COL5A2: variants seen among roughly 807,000 people sequenced by gnomAD.
The protein encoded by COL5A2 is collagen alpha-2(V) chain.
A neutral mutation model predicts 208.2 loss-of-function variants in COL5A2; 23 were observed. The observed-to-expected ratio is 0.11, with a 90% confidence interval of 0.08 to 0.16. The LOEUF (loss-of-function observed/expected upper bound fraction) is 0.16, where lower values mean the gene tolerates loss of function less well. Ranked by LOEUF, COL5A2 falls within the 10% of genes least tolerant of loss-of-function variation. The probability of loss-of-function intolerance (pLI) is 1.00; values close to 1 mark genes in which losing one functional copy is unlikely to be tolerated. For synonymous variants in COL5A2, 625 were observed against 628.5 expected, an observed-to-expected ratio of 0.99 and a Z score of 0.08; for missense variants, 1,590 against 1,956.4, an observed-to-expected ratio of 0.81 and a Z score of 3.53.
intron 1 of COL5A2, among the ~76,000 whole-genome samples, chr2:189,118,459 G>C (rs1181650434): frequency 6.6e-6 from 1 of 152,004 alleles, no homozygotes; most frequent in African/African-American, 2.4e-5. Flanking sequence ...GGCCTCTAGA[G>C]AAAATCCAGA....
At chr2:189,369,415 G>T in the COL5A2 span, among the ~76,000 whole-genome samples, 3 of 151,948 alleles carry the variant, frequency 2.0e-5, no homozygotes, top group African/African-American at 7.2e-5. Context: ...CTATGCCTCA[G>T]ATATCTATTT....
chr2:189,055,507 A>C (rs1036257165), intron 35 of COL5A2, among the ~76,000 whole-genome samples: 14 of 150,084 alleles, frequency 9.3e-5, no homozygotes, highest in African/African-American at 3.5e-4. Flanking sequence ...AATTTTATAG[A>C]TTTGACAAGA....
At position 189,063,249 on chromosome 2, in the gene COL5A2, G is replaced by A. The variant is rs1060501906; in HGVS notation, c.1792C>T (p.Arg598Cys). 9.9e-6 allele frequency: 16 copies of A among 1,613,954 alleles called. No individual in the cohort carries two copies. Among genetic ancestry groups the A allele is most frequent in the Non-Finnish European group, 1.3e-5 (15 of 1,179,988 alleles). Residue 598 changes from arginine (R) to cysteine (C), a missense_variant, in exon 27 of 54, where the codon CGT (arginine) becomes TGT (cysteine). Arg to Cys is a radical substitution (Grantham distance 180, BLOSUM62 -3). Transcript: ENST00000374866. ...CCTATGGAGCCTGGAGGACCTGGAC[G>A]GCCATCTTCCCCTGGCGCACCCTAT... ...GPLGAPGEDG[R>C]PGPPGSIGIR...
the COL5A2 span, among the ~76,000 whole-genome samples, chr2:189,321,474 C>A: frequency 1.1e-4 from 16 of 152,084 alleles, no homozygotes; most frequent in Middle Eastern, 3.2e-3. Context: ...GGAGGAAGAT[C>A]TACAAGCAAA....
chr2:189,434,760 T>C, the COL5A2 span, among the ~76,000 whole-genome samples: 2 of 152,142 alleles, frequency 1.3e-5, no homozygotes, highest in African/African-American at 4.8e-5. Context: ...CCCAAGGTAA[T>C]TTATAGATTC....
chr2:189,393,438 A>C, the COL5A2 span, among the ~76,000 whole-genome samples: 1 of 152,196 alleles, frequency 6.6e-6, no homozygotes, highest in Non-Finnish European at 1.5e-5. Flanking sequence ...TTCAGCTTAA[A>C]TATGGACTAG....
chr2:189,208,321 T>G (rs1008024578), intron 1 of COL5A2, among the ~76,000 whole-genome samples: 2 of 151,988 alleles, frequency 1.3e-5, no homozygotes, highest in Admixed American at 6.6e-5. Flanking sequence ...TAATAAGGAG[T>G]CCATACACAC....
chr2:189,110,747 C>T lies in COL5A2; in HGVS notation c.98-298G>A, dbSNP rs984754748. Among the ~76,000 whole-genome samples the T allele has an allele frequency of 5.3e-5, 8 of 152,050 alleles. No individual in the cohort carries two copies. The South Asian group carries it at 1.2e-3, about 24-fold the overall frequency. The stretch of plus-strand genomic sequence containing the variant: ...ATTCTTGAAGGTATGAATGATGAAA[C>T]ATGAGAATATCAATAAAGAGGGATA... On this transcript the variant is annotated intron_variant, in intron 1 of 53. Transcript: ENST00000374866.
intron 1 of COL5A2, among the ~76,000 whole-genome samples, chr2:189,151,787 T>TTA (rs1236401257): frequency 6.6e-6 from 1 of 152,140 alleles, no homozygotes; most frequent in Non-Finnish European, 1.5e-5. Context: ...TGCACACACC[T>TTA]TATATACTTC....
intron 29 of COL5A2, among the ~76,000 whole-genome samples, 154 bp from the exon 30 acceptor site, chr2:189,061,769 C>A (rs965467413): frequency 2.0e-5 from 3 of 152,060 alleles, no homozygotes; most frequent in Admixed American, 6.6e-5. Context: ...TTAATAGTAA[C>A]CAAATGGTAT....
At position 189,068,058 on chromosome 2, in the gene COL5A2, C is replaced by T; in HGVS notation, c.1358G>A (p.Gly453Glu). Residue 453 changes from glycine to glutamate, a missense_variant, in exon 21 of 54, where the codon GGA (glycine) becomes GAA (glutamate). Gly to Glu is a moderately conservative substitution (Grantham distance 98). Transcript: ENST00000374866. ...CTGAGGACCAGTGCTACCCTGAGGT[C>T]CTGGAGATCCAGGAGGCCCTGCTGA... is the stretch of plus-strand genomic sequence containing the variant. ...PGSAGPPGSP[G>E]PQGSTGPQGI... The T allele has an allele frequency of 6.2e-7, 1 of 1,614,096 alleles. No individual in the cohort carries two copies. Among genetic ancestry groups the T allele is most frequent in the Non-Finnish European group, 8.5e-7 (1 of 1,180,012 alleles).
the COL5A2 span, among the ~76,000 whole-genome samples, chr2:189,361,587 A>G: frequency 6.6e-6 from 1 of 151,746 alleles, no homozygotes; most frequent in East Asian, 1.9e-4. Context: ...TTTTAATTAG[A>G]GAATTTAATC....
chr2:189,321,077 G>A, the COL5A2 span, among the ~76,000 whole-genome samples: 55 of 152,266 alleles, frequency 3.6e-4, no homozygotes, highest in Non-Finnish European at 4.1e-4. Context: ...AGCTTCATAA[G>A]TGAAGGAGAA....
At chr2:189,317,915 G>C in the COL5A2 span, among the ~76,000 whole-genome samples, 1 of 152,120 alleles carries the variant, frequency 6.6e-6, no homozygotes, top group African/African-American at 2.4e-5. Context: ...AAATATAGGA[G>C]CACTAAATGT....
At chr2:189,088,905 T>C (rs1302791752) in intron 7 of COL5A2, 133 bp from the exon 8 acceptor site, 1 of 775,420 alleles carries the variant, frequency 1.3e-6, no homozygotes, top group South Asian at 1.5e-5. Flanking sequence ...AGTGCTTGAC[T>C]TTAAAGCCTG....
intron 1 of COL5A2, among the ~76,000 whole-genome samples, chr2:189,117,090 A>C (rs1272148288): frequency 1.5e-5 from 2 of 129,928 alleles, no homozygotes; most frequent in Non-Finnish European, 3.4e-5. Context: ...AAAAATAGAA[A>C]GGAAAAACTC....
Position 189,035,171 on chromosome 2 carries a change from G to A in COL5A2, c.4114-16C>T. 3 of 1,613,680 alleles carry A rather than the reference G, an allele frequency of 1.9e-6. No individual in the cohort carries two copies. The highest frequency in any genetic ancestry group is 2.5e-6 in the Non-Finnish European group (3 of 1,179,740). ...CATAAGCGAACTAGAAAAACAAAGA[G>A]TCTTTGTCATACACAAGACTGAAGG... On this transcript the variant is annotated splice_polypyrimidine_tract_variant and intron_variant, in intron 52 of 53. Transcript: ENST00000374866.
At chr2:189,378,374 T>C in the COL5A2 span, among the ~76,000 whole-genome samples, 1 of 152,294 alleles carries the variant, frequency 6.6e-6, no homozygotes, top group South Asian at 2.1e-4. Flanking sequence ...TTAAGTTCCC[T>C]GAAAAACAAG....
chr2:189,389,170 T>C, the COL5A2 span, among the ~76,000 whole-genome samples: 230 of 152,308 alleles, frequency 1.5e-3, 2 homozygotes, highest in African/African-American at 5.2e-3. Flanking sequence ...TAACACTCTA[T>C]ATAAAGTAAG....
Sources: allele counts gnomAD v4.1 joint callset (sites outside exome capture counted in the v4.1 genomes callset), GRCh38; gene constraint gnomAD v4.1.1; transcripts MANE v1.5; gene names NCBI Gene and HGNC (gene_info 2026-07-23, HGNC 2026-07-21).